CDK5RAP2: variants seen among roughly 807,000 people sequenced by gnomAD.
The protein encoded by CDK5RAP2 is CDK5 regulatory subunit-associated protein 2.
A neutral mutation model predicts 232.9 loss-of-function variants in CDK5RAP2; 147 were observed. The ratio of observed to expected loss-of-function variants is 0.63; its 90% CI spans 0.55 to 0.72. CDK5RAP2 has a LOEUF of 0.72. CDK5RAP2 is among the 30% of genes least tolerant of loss of function. The pLI is 0.00. For missense variants in CDK5RAP2, 2,195 were observed against 2,231.5 expected (o/e 0.98, Z 0.33); for synonymous variants, 833 against 833.7 (o/e 1.00, Z 0.01).
intron 25 of CDK5RAP2, among the ~76,000 whole-genome samples, chr9:120,427,916 A>C (rs1469786916): frequency 6.6e-6 from 1 of 152,240 alleles, no homozygotes; most frequent in African/African-American, 2.4e-5. Context: ...CTCTCAGACC[A>C]CAGTGAAATC....
rs1202150713 is a variant in CDK5RAP2 at position 120,448,050 on chromosome 9, G to T, written c.2870C>A (p.Thr957Asn). Residue 957 changes from threonine to asparagine, a missense_variant, in exon 22 of 38, where the codon ACC (threonine) becomes AAC (asparagine). By Grantham distance (65) the Thr-to-Asn change is moderately conservative (BLOSUM62 0). Transcript: ENST00000349780. The part of the protein sequence containing the change: ...SLGNMYRLPA[T>N]QEVVTQLQSQ... ...CTGCAGCTGCGTCACCACCTCCTGG[G>T]TGGCAGGGAGACGATACATATTTCC... 3 of 1,614,054 alleles carry T rather than the reference G, an allele frequency of 1.9e-6. No homozygotes were observed. The highest frequency in any genetic ancestry group is 1.3e-5 in the African/African-American group (1 of 74,928).
chr9:120,537,774 T>C (rs1049058710), intron 6 of CDK5RAP2, among the ~76,000 whole-genome samples: 2 of 152,000 alleles, frequency 1.3e-5, no homozygotes, highest in African/African-American at 4.8e-5. Context: ...TACCTTCCTG[T>C]CTATAAAGAG....
intron 13 of CDK5RAP2, among the ~76,000 whole-genome samples, chr9:120,489,490 G>C (rs1042094544): frequency 6.6e-6 from 1 of 152,020 alleles, no homozygotes; most frequent in African/African-American, 2.4e-5. Flanking sequence ...TGGACCTCTT[G>C]TATCAAGCCT....
intron 12 of CDK5RAP2, 54 bp from the exon 13 acceptor site, chr9:120,491,531 T>C (rs1238622693): frequency 6.9e-6 from 9 of 1,311,606 alleles, no homozygotes; most frequent in Non-Finnish European, 8.7e-6. Context: ...TTCAATCTCT[T>C]ATGTGTTTGA....
At position 120,403,225 on chromosome 9, in the gene CDK5RAP2, T is replaced by C. The variant is rs767403839; in HGVS notation, c.5042-154A>G. 3 of 689,566 alleles carry C rather than the reference T, an allele frequency of 4.4e-6. No homozygotes were observed. Among genetic ancestry groups the C allele is most frequent in the Non-Finnish European group, 7.5e-6 (3 of 400,252 alleles). The allele number at this position is 689,566 out of a possible 1,614,324, so 42.7% of individuals were successfully genotyped here. On this transcript the variant is annotated intron_variant, in intron 33 of 37. Coordinates refer to ENST00000349780, the MANE Select transcript of CDK5RAP2 (RefSeq NM_018249.6). This position sits in a 1 kb window ranked among gnomAD's most constrained non-coding sequence, Gnocchi z 4.2. ...CCAGAGGGGAAAAGAGGCACGCTCCTGGACCTCTGTATATTACCCCACACT... is the reference window on the plus strand; with the variant it reads ...CCAGAGGGGAAAAGAGGCACGCTCCCGGACCTCTGTATATTACCCCACACT...
intron 12 of CDK5RAP2, chr9:120,517,786 A>G (rs2040404580): frequency 3.7e-6 from 1 of 271,278 alleles, no homozygotes; most frequent in Non-Finnish European, 7.4e-6. Flanking sequence ...TGAGGTGGGC[A>G]TGGTGGCATG....
In CDK5RAP2 at chr9:120,389,252, C is replaced by T; in HGVS notation, c.5666G>A (p.Ser1889Asn). ...AAGTTCTTCTCAGGAGCCTGGTCTG[C>T]TGGGACTGCATGTTCCTGGATGGGC... The part of the protein sequence containing the change: ...GGAHPGTCSP[S>N]RPGS Residue 1889 changes from serine (S) to asparagine (N), a missense_variant, in exon 38 of 38, where the codon AGC becomes AAC. Transcript: ENST00000349780. 6.2e-7 allele frequency: 1 copy of T among 1,612,958 alleles called. No individual in the cohort carries two copies. Among genetic ancestry groups the T allele is most frequent in the Non-Finnish European group, 8.5e-7 (1 of 1,179,510 alleles).
At chr9:120,406,817 T>G in intron 32 of CDK5RAP2, 195 bp downstream of exon 32, 1 of 592,136 alleles carries the variant, frequency 1.7e-6, no homozygotes, top group Non-Finnish European at 3.0e-6. Context: ...ATGCCTCAGA[T>G]GGAGATTACG....
intron 23 of CDK5RAP2, chr9:120,440,234 A>G: frequency 1.9e-6 from 1 of 529,988 alleles, no homozygotes; most frequent in Non-Finnish European, 3.4e-6. Context: ...AGTAATTTTA[A>G]CCATGATAAA....
chr9:120,479,279 T>C (rs970016619), intron 14 of CDK5RAP2, among the ~76,000 whole-genome samples: 2 of 152,250 alleles, frequency 1.3e-5, no homozygotes, highest in East Asian at 3.9e-4. Flanking sequence ...GTAAAAAGAA[T>C]AATGGAATTA....
At chr9:120,528,720 T>C (rs371856970) in intron 9 of CDK5RAP2, 24 bp downstream of exon 9, 3 of 1,453,502 alleles carry the variant, frequency 2.1e-6, no homozygotes, top group East Asian at 2.3e-5. Context: ...CTTCAATACA[T>C]TTTTTAAAAT....
At chr9:120,574,377 C>T (rs780331900) in intron 1 of CDK5RAP2, among the ~76,000 whole-genome samples, 59 of 152,126 alleles carry the variant, frequency 3.9e-4, no homozygotes, top group Admixed American at 3.3e-3. Context: ...GGGATACTCA[C>T]GAGAAATGAC....
intron 25 of CDK5RAP2, among the ~76,000 whole-genome samples, chr9:120,425,931 G>T (rs1345754688): frequency 2.6e-5 from 4 of 152,238 alleles, no homozygotes; most frequent in Non-Finnish European, 4.4e-5. Flanking sequence ...GTGATAAGGG[G>T]CCGCAACAGA....
chr9:120,402,893 C>A lies in CDK5RAP2; in HGVS notation c.5220G>T (p.Gln1740His). ...LIEDYEALLK[Q>H]ISQGQRLLAE... ...CAAGGAGCCTCTGTCCCTGGCTGAT[C>A]TGTTTGAGCAGGGCCTCATAGTCCT... The change falls in exon 34 of 38, where the codon CAG becomes CAT. Residue 1740 changes from glutamine (Q) to histidine (H), a missense_variant. Transcript: ENST00000349780. 1.2e-6 allele frequency: 2 copies of A among 1,614,122 alleles called. No individual in the cohort carries two copies. The highest frequency in any genetic ancestry group is 1.7e-6 in the Non-Finnish European group (2 of 1,180,028).
chr9:120,556,491 C>T (rs1157315057), intron 3 of CDK5RAP2, among the ~76,000 whole-genome samples: 2 of 151,258 alleles, frequency 1.3e-5, no homozygotes, highest in East Asian at 3.9e-4. Flanking sequence ...TGCAGTGGTG[C>T]AATCTCAGCT....
intron 1 of CDK5RAP2, among the ~76,000 whole-genome samples, chr9:120,577,752 C>T (rs1268947743): frequency 6.6e-6 from 1 of 152,100 alleles, no homozygotes; most frequent in Non-Finnish European, 1.5e-5. Flanking sequence ...AACACTGAGG[C>T]TCACAGATGA....
chr9:120,527,276 G>A (rs2040946745), intron 10 of CDK5RAP2, among the ~76,000 whole-genome samples: 1 of 152,140 alleles, frequency 6.6e-6, no homozygotes, highest in South Asian at 2.1e-4. Flanking sequence ...CACAGTCATG[G>A]CCTTGCTTCC....
At chr9:120,410,136 C>T (rs1013865766) in intron 29 of CDK5RAP2, among the ~76,000 whole-genome samples, 2 of 152,124 alleles carry the variant, frequency 1.3e-5, no homozygotes, top group African/African-American at 2.4e-5. Flanking sequence ...TATTATTCTC[C>T]GTTTTCCAGA....
intron 19 of CDK5RAP2, 99 bp downstream of exon 19, chr9:120,460,473 G>A: frequency 9.2e-7 from 1 of 1,081,814 alleles, no homozygotes; most frequent in East Asian, 2.5e-5. Context: ...GATATAGGCA[G>A]AATGAACAGA....
Sources: allele counts gnomAD v4.1 joint callset (sites outside exome capture counted in the v4.1 genomes callset), GRCh38; gene constraint gnomAD v4.1.1; non-coding constraint Gnocchi (gnomAD v3.1); transcripts MANE v1.5; gene names NCBI Gene and HGNC (gene_info 2026-07-23, HGNC 2026-07-21).